The following PPARG variants were observed in gnomAD, a reference collection of about 807,000 sequenced individuals.
PPARG encodes the protein peroxisome proliferator activated receptor gamma.
In PPARG, 17 loss-of-function variants were observed where a neutral mutation model predicts 39.2. The observed-to-expected ratio is 0.43, with a 90% CI of 0.30 to 0.65. PPARG has a LOEUF of 0.65. Among genes scored for constraint, PPARG ranks in the 30% least tolerant of loss-of-function variants. PPARG has a pLI of 0.13. For missense variants in PPARG, 406 were observed against 585.9 expected (o/e 0.69, Z 3.17); for synonymous variants, 223 against 215.7 (o/e 1.03, Z -0.30).
At chr3:12,306,462 G>C (rs770483045) in intron 1 of PPARG, among the ~76,000 whole-genome samples, 11 of 152,146 alleles carry the variant, frequency 7.2e-5, no homozygotes, top group Non-Finnish European at 1.5e-4. Context: ...TAACCTGCCA[G>C]GTGATAAAAA....
At chr3:12,329,130 TTA>T (rs2047777621) in intron 2 of PPARG, among the ~76,000 whole-genome samples, 1 of 148,544 alleles carries the variant, frequency 6.7e-6, no homozygotes, top group African/African-American at 2.5e-5. Flanking sequence ...AATTTGCAAA[TTA>T]TGTTAAAAAC....
chr3:12,425,054 A>G (rs2051390389), intron 7 of PPARG, among the ~76,000 whole-genome samples: 1 of 152,232 alleles, frequency 6.6e-6, no homozygotes, highest in Admixed American at 6.5e-5. Context: ...TTATTACAAT[A>G]TAAATACCCC....
At chr3:12,407,789 T>A (rs574096324) in intron 6 of PPARG, among the ~76,000 whole-genome samples, 1 of 152,372 alleles carries the variant, frequency 6.6e-6, no homozygotes, top group South Asian at 2.1e-4. Flanking sequence ...AGGAAACTTA[T>A]GGCATAAAGC....
chr3:12,412,028 A>G (rs1371864885), intron 6 of PPARG, among the ~76,000 whole-genome samples: 11 of 152,212 alleles, frequency 7.2e-5, no homozygotes, highest in African/African-American at 2.7e-4. Context: ...GGTTACCTCA[A>G]GTGATTGTTT....
rs1028136694 is a variant in PPARG, at chr3:12,381,380, C to T, written c.279C>T (p.Tyr93=). Residue 93 remains tyrosine, a synonymous_variant, in exon 4 of 8, where the codon TAC becomes TAT. Transcript: ENST00000651735. ...ATTATTCTGAGAAGACTCAGCTCTA[C>T]AATAAGCCTCATGAAGAGCCTTCCA... ...PPYYSEKTQL[Y]NKPHEEPSNS... 3 of 1,613,276 alleles carry T rather than the reference C, an allele frequency of 1.9e-6. No individual in the cohort carries two copies. The highest frequency in any genetic ancestry group is 1.7e-6 in the Non-Finnish European group (2 of 1,179,702).
chr3:12,367,603 C>T (rs2049058326), intron 2 of PPARG, among the ~76,000 whole-genome samples: 2 of 151,502 alleles, frequency 1.3e-5, no homozygotes, highest in African/African-American at 2.4e-5. Flanking sequence ...AATCCCAACA[C>T]TTTGGGAGGC....
At chr3:12,347,211 G>A (rs1260408344) in intron 2 of PPARG, among the ~76,000 whole-genome samples, 1 of 151,782 alleles carries the variant, frequency 6.6e-6, no homozygotes. Context: ...ACAGCTGAGT[G>A]TGGTGGCGAG....
At chr3:12,423,287 C>T (rs1441441096) in intron 7 of PPARG, among the ~76,000 whole-genome samples, 10 of 152,208 alleles carry the variant, frequency 6.6e-5, no homozygotes, top group Non-Finnish European at 1.3e-4. Flanking sequence ...TTCATTTCTT[C>T]CTGCCCTTCA....
At chr3:12,424,119 C>A (rs2051357071) in intron 7 of PPARG, among the ~76,000 whole-genome samples, 1 of 152,148 alleles carries the variant, frequency 6.6e-6, no homozygotes, top group Non-Finnish European at 1.5e-5. Flanking sequence ...ATTTTCATAA[C>A]CCCATAGACT....
chr3:12,380,591 G>A (rs1280267652), intron 3 of PPARG, among the ~76,000 whole-genome samples: 1 of 152,148 alleles, frequency 6.6e-6, no homozygotes, highest in Non-Finnish European at 1.5e-5. Flanking sequence ...CCACCACTAT[G>A]TAATTGGCAA....
chr3:12,362,600 G>A (rs2048885234), intron 2 of PPARG, among the ~76,000 whole-genome samples: 1 of 151,960 alleles, frequency 6.6e-6, no homozygotes, highest in Admixed American at 6.6e-5. Context: ...ATACAGTCAT[G>A]TCATCTGTAA....
chr3:12,405,985 C>G lies in PPARG; in HGVS notation c.633C>G (p.Ala211=). 1 of 1,614,078 alleles carries G rather than the reference C, an allele frequency of 6.2e-7. No homozygotes were observed. Among genetic ancestry groups the G allele is most frequent in the Non-Finnish European group, 8.5e-7 (1 of 1,180,018 alleles). ...QLNPESADLR[A]LAKHLYDSYI... is the part of the protein sequence containing the mutation. ...ATCCAGAGTCCGCTGACCTCCGGGCCCTGGCAAAACATTTGTATGACTCAT... is the reference window on the plus strand; with the variant it reads ...ATCCAGAGTCCGCTGACCTCCGGGCGCTGGCAAAACATTTGTATGACTCAT... Residue 211 remains alanine (A), a synonymous_variant, in exon 6 of 8, where the codon GCC becomes GCG. Transcript: ENST00000651735.
At chr3:12,297,849 A>G (rs1219857247) in intron 1 of PPARG, 3 of 151,890 alleles carry the variant, frequency 2.0e-5, no homozygotes, top group Non-Finnish European at 2.9e-5. Context: ...TTTTTCTAAA[A>G]TTGAATGACC....
At chr3:12,312,892 C>T (rs1433557450) in intron 2 of PPARG, among the ~76,000 whole-genome samples, 2 of 152,172 alleles carry the variant, frequency 1.3e-5, no homozygotes, top group Non-Finnish European at 2.9e-5. Context: ...GCCAAATGTG[C>T]TCCATTCTAG....
chr3:12,348,803 G>A (rs1334044229), intron 2 of PPARG, among the ~76,000 whole-genome samples: 2 of 152,176 alleles, frequency 1.3e-5, no homozygotes, highest in African/African-American at 4.8e-5. Flanking sequence ...GCAAAGTGCT[G>A]ACAACCCATT....
intron 2 of PPARG, among the ~76,000 whole-genome samples, chr3:12,315,584 A>G (rs1214071250): frequency 6.6e-6 from 1 of 152,240 alleles, no homozygotes; most frequent in East Asian, 1.9e-4. Context: ...TTATAGAGGA[A>G]GATTCTGCAT....
At chr3:12,352,095 T>G (rs1281446992) in intron 2 of PPARG, among the ~76,000 whole-genome samples, 1 of 152,212 alleles carries the variant, frequency 6.6e-6, no homozygotes, top group Non-Finnish European at 1.5e-5. Context: ...AGCACTTTTA[T>G]TCCTCTTGAA....
chr3:12,419,701 T>C (rs1299593397), intron 7 of PPARG, among the ~76,000 whole-genome samples: 2 of 151,980 alleles, frequency 1.3e-5, no homozygotes, highest in African/African-American at 4.8e-5. Context: ...ACTCCTGACC[T>C]CATGATCCAC....
intron 4 of PPARG, among the ~76,000 whole-genome samples, chr3:12,390,637 C>CTTTTTTT (rs35190152): frequency 1.2e-3 from 109 of 92,370 alleles, no homozygotes; most frequent in African/African-American, 1.8e-3. Flanking sequence ...TATTTTCTTC[C>CTTTTTTT]TTTTTTTTTT....
Sources: allele counts gnomAD v4.1 joint callset (sites outside exome capture counted in the v4.1 genomes callset), GRCh38; gene constraint gnomAD v4.1.1; transcripts MANE v1.5; gene names NCBI Gene and HGNC (gene_info 2026-07-23, HGNC 2026-07-21).